The following SLC2A13 variants were observed in gnomAD, a reference collection of about 807,000 sequenced individuals.
The protein encoded by SLC2A13 is proton myo-inositol cotransporter.
Under a neutral mutation model 64.4 loss-of-function variants are expected in SLC2A13, and 32 were observed. The ratio of observed to expected loss-of-function variants is 0.50; its 90% CI spans 0.37 to 0.67. The LOEUF is 0.67. SLC2A13 is among the 30% of genes least tolerant of loss of function. The probability of loss-of-function intolerance (pLI) is 0.00; values close to 1 mark genes in which losing one functional copy is unlikely to be tolerated. For synonymous variants in SLC2A13, 338 were observed against 327.1 expected (o/e 1.03, Z -0.36); for missense variants, 743 against 829.2 (o/e 0.90, Z 1.28).
chr12:39,760,829 G>T (rs540382325), intron 9 of SLC2A13, among the ~76,000 whole-genome samples: 26 of 151,962 alleles, frequency 1.7e-4, no homozygotes, highest in African/African-American at 5.8e-4. Context: ...ATGATAGCAA[G>T]CCTAGATGGA....
intron 1 of SLC2A13, among the ~76,000 whole-genome samples, chr12:40,090,898 T>A (rs1166142665): frequency 6.6e-6 from 1 of 152,226 alleles, no homozygotes; most frequent in East Asian, 1.9e-4. Flanking sequence ...TTTAGTAAGA[T>A]ATTCTTGGTA....
chr12:39,807,328 T>C (rs1203508911), intron 7 of SLC2A13, among the ~76,000 whole-genome samples: 1 of 152,056 alleles, frequency 6.6e-6, no homozygotes, highest in Non-Finnish European at 1.5e-5. Context: ...CTGTATAAAA[T>C]ACACACACAT....
intron 2 of SLC2A13, among the ~76,000 whole-genome samples, chr12:40,031,661 A>T (rs1947907610): frequency 6.6e-6 from 1 of 152,212 alleles, no homozygotes; most frequent in Admixed American, 6.5e-5. Flanking sequence ...CCACGCAATC[A>T]ATTCACTGTA....
rs1943862787 is a variant in SLC2A13, at chr12:39,864,838, A to G, written c.1243T>C (p.Ser415Pro). ...LIILALGFVL[S>P]AQVSPRITFK... The stretch of plus-strand genomic sequence containing the variant: ...GTGATGCGTGGGGAAACTTGGGCTG[A>G]TAGCACAAATCCCAAGGCAAGAATA... The change falls in exon 6 of 10, where the codon TCA becomes CCA. Residue 415 changes from serine (S) to proline (P), a missense_variant. Ser to Pro is a moderately conservative substitution (Grantham distance 74, BLOSUM62 -1). Transcript: ENST00000280871. The G allele has an allele frequency of 1.2e-6, 2 of 1,613,952 alleles. No homozygotes were observed. The highest frequency in any genetic ancestry group is 1.7e-6 in the Non-Finnish European group (2 of 1,179,954).
chr12:39,801,950 C>A (rs1941806137), intron 7 of SLC2A13, among the ~76,000 whole-genome samples: 1 of 152,168 alleles, frequency 6.6e-6, no homozygotes, highest in South Asian at 2.1e-4. Flanking sequence ...CACAGCCATC[C>A]TCATTCCCAC....
chr12:40,076,083 A>G (rs1938161137), intron 1 of SLC2A13, among the ~76,000 whole-genome samples: 1 of 152,094 alleles, frequency 6.6e-6, no homozygotes, highest in Admixed American at 6.6e-5. Context: ...TCCCTTAGCA[A>G]CTTGTCAGAT....
At chr12:39,888,269 G>A (rs896685372) in intron 4 of SLC2A13, among the ~76,000 whole-genome samples, 4 of 152,074 alleles carry the variant, frequency 2.6e-5, no homozygotes, top group African/African-American at 9.7e-5. Context: ...CTGTCACCCA[G>A]GCTGGAGTGC....
At chr12:39,877,009 T>C (rs1430368942) in intron 4 of SLC2A13, among the ~76,000 whole-genome samples, 1 of 152,188 alleles carries the variant, frequency 6.6e-6, no homozygotes, top group East Asian at 1.9e-4. Context: ...TAAATATATA[T>C]ATTTTTTGGT....
At chr12:39,985,856 C>T (rs1000594794) in intron 3 of SLC2A13, among the ~76,000 whole-genome samples, 2 of 151,942 alleles carry the variant, frequency 1.3e-5, no homozygotes, top group Admixed American at 6.6e-5. Flanking sequence ...AGTCATGATA[C>T]GAAAAATGGA....
intron 7 of SLC2A13, among the ~76,000 whole-genome samples, chr12:39,772,133 CCTT>C (rs1055695333): frequency 2.6e-5 from 4 of 152,226 alleles, no homozygotes; most frequent in Admixed American, 6.5e-5. Context: ...TTAATATACT[CCTT>C]CTTCTACGGT....
chr12:39,893,547 G>T (rs781649147), intron 4 of SLC2A13, among the ~76,000 whole-genome samples: 10 of 152,158 alleles, frequency 6.6e-5, no homozygotes, highest in Non-Finnish European at 1.0e-4. Context: ...TGATCTGCCC[G>T]CCTTGGTCTC....
intron 3 of SLC2A13, among the ~76,000 whole-genome samples, chr12:39,976,506 T>C (rs969739432): frequency 6.6e-6 from 1 of 152,248 alleles, no homozygotes; most frequent in African/African-American, 2.4e-5. Flanking sequence ...TAGTTAATTT[T>C]CATTAATGTT....
intron 7 of SLC2A13, among the ~76,000 whole-genome samples, chr12:39,804,147 A>C (rs1455396210): frequency 4.6e-5 from 7 of 152,186 alleles, no homozygotes; most frequent in Admixed American, 2.0e-4. Flanking sequence ...TAAATATCTT[A>C]TTTAGGAGAC....
At position 40,026,486 on chromosome 12, in the gene SLC2A13, T is replaced by A. The variant is rs971236457; in HGVS notation, c.925+1815A>T. ...TTCTTTAAAAATTCATTTGGTTATA[T>A]ATTCCGAATAATGTCTAAAACTCAA... is the stretch of plus-strand genomic sequence containing the variant. On this transcript the variant is annotated intron_variant, in intron 3 of 9. Coordinates refer to ENST00000280871, the MANE Select transcript of SLC2A13 (RefSeq NM_052885.4). Among the ~76,000 whole-genome samples the A allele has an allele frequency of 5.3e-5, 8 of 152,330 alleles. No homozygotes were observed. In the South Asian group the frequency reaches 1.7e-3, roughly 32 times the overall value.
intron 6 of SLC2A13, among the ~76,000 whole-genome samples, chr12:39,836,545 A>G (rs61931236): frequency 6.6e-6 from 1 of 151,088 alleles, no homozygotes; most frequent in East Asian, 2.0e-4. Flanking sequence ...GAGGAAGTCA[A>G]ATTGTCCCTG....
intron 3 of SLC2A13, among the ~76,000 whole-genome samples, chr12:39,973,132 C>G (rs1337765677): frequency 6.6e-6 from 1 of 152,168 alleles, no homozygotes; most frequent in Non-Finnish European, 1.5e-5. Flanking sequence ...ACTGTCTCCT[C>G]AACTCCATTC....
rs1943863402 is a variant in SLC2A13, at chr12:39,864,863, A to C, written c.1218T>G (p.Ile406Met). 6 of 1,613,830 alleles carry C rather than the reference A, an allele frequency of 3.7e-6. No individual in the cohort carries two copies. The highest frequency in any genetic ancestry group is 5.1e-6 in the Non-Finnish European group (6 of 1,179,880). The stretch of plus-strand genomic sequence containing the variant: ...ATAGCACAAATCCCAAGGCAAGAAT[A>C]ATGAGTGCTACGGTGGTACCTTAAA... Reference protein sequence around the residue: ...GSLAGTTVALIILALGFVLSA... With the variant: ...GSLAGTTVALMILALGFVLSA... The change falls in exon 6 of 10, where the codon ATT becomes ATG. Residue 406 changes from isoleucine (I) to methionine (M), a missense_variant. Physicochemically the swap from Ile to Met is conservative, Grantham distance 10. This residue lies in a region of SLC2A13 where 295 missense variants were observed against 381.7 expected (regional missense o/e 0.77). Transcript: ENST00000280871.
chr12:39,841,789 TGAA>T (rs1010934403), intron 6 of SLC2A13, among the ~76,000 whole-genome samples: 8 of 152,142 alleles, frequency 5.3e-5, no homozygotes, highest in African/African-American at 1.9e-4. Flanking sequence ...TATTCATTAT[TGAA>T]GAGACAGAAT....
intron 6 of SLC2A13, among the ~76,000 whole-genome samples, chr12:39,844,458 C>T (rs546339019): frequency 6.6e-6 from 1 of 152,142 alleles, no homozygotes; most frequent in Admixed American, 6.5e-5. Flanking sequence ...GTAGCATACC[C>T]ATAAATATTC....
Sources: allele counts gnomAD v4.1 joint callset (sites outside exome capture counted in the v4.1 genomes callset), GRCh38; gene constraint gnomAD v4.1.1; regional missense constraint gnomAD v4.1.1; transcripts MANE v1.5; gene names NCBI Gene and HGNC (gene_info 2026-07-23, HGNC 2026-07-21).